Variants in MBNL1 observed in about 807,000 individuals in gnomAD.
MBNL1 encodes the protein muscleblind like splicing regulator 1.
Under a neutral mutation model 42.2 loss-of-function variants are expected in MBNL1, and 8 were observed. That is an observed-to-expected ratio of 0.19 (90% CI 0.11 to 0.34). The LOEUF (loss-of-function observed/expected upper bound fraction) is 0.34. Ranked by LOEUF, MBNL1 falls within the 10% of genes least tolerant of loss-of-function variation. The pLI is 1.00. For synonymous variants in MBNL1, 169 were observed against 173.9 expected (o/e 0.97, Z 0.22); for missense variants, 309 against 495.3 (o/e 0.62, Z 3.57).
At chr3:152,317,775 T>C (rs1185764291) in intron 2 of MBNL1, among the ~76,000 whole-genome samples, 4 of 152,180 alleles carry the variant, frequency 2.6e-5, no homozygotes, top group Non-Finnish European at 4.4e-5. Flanking sequence ...TCAAGTTCTG[T>C]TTTCAAATAG....
chr3:152,282,322 A>G (rs1405368505), intron 1 of MBNL1, among the ~76,000 whole-genome samples: 2 of 152,160 alleles, frequency 1.3e-5, no homozygotes, highest in African/African-American at 4.8e-5. Context: ...TTTACCTTTA[A>G]GTACCAAGAA....
chr3:152,389,091 A>G (rs370607281), intron 2 of MBNL1, among the ~76,000 whole-genome samples: 21 of 151,742 alleles, frequency 1.4e-4, no homozygotes, highest in African/African-American at 3.9e-4. Flanking sequence ...ACAGTCATGC[A>G]TCTCTTTTTT....
At chr3:152,366,600 T>A (rs981154942) in intron 2 of MBNL1, among the ~76,000 whole-genome samples, 1 of 152,182 alleles carries the variant, frequency 6.6e-6, no homozygotes, top group Non-Finnish European at 1.5e-5. Flanking sequence ...TTTCAGTTCA[T>A]TGTTATATTT....
At chr3:152,431,729 A>T (rs1282680051) in intron 3 of MBNL1, among the ~76,000 whole-genome samples, 2 of 152,242 alleles carry the variant, frequency 1.3e-5, no homozygotes. Flanking sequence ...GAAGCATTAA[A>T]CTTCAAGAAT....
intron 2 of MBNL1, among the ~76,000 whole-genome samples, chr3:152,377,290 T>G (rs2096950959): frequency 6.6e-6 from 1 of 152,188 alleles, no homozygotes; most frequent in Non-Finnish European, 1.5e-5. Flanking sequence ...TGGGTTGATT[T>G]GAAACTACCT....
At chr3:152,315,873 C>A (rs2070755652) in intron 2 of MBNL1, among the ~76,000 whole-genome samples, 1 of 149,572 alleles carries the variant, frequency 6.7e-6, no homozygotes, top group Non-Finnish European at 1.5e-5. Context: ...CACACTCTCT[C>A]TCTCTCTCTC....
chr3:152,262,357 C>T (rs753563578), intron 2 of MBNL1, among the ~76,000 whole-genome samples: 8 of 151,906 alleles, frequency 5.3e-5, no homozygotes, highest in South Asian at 4.2e-4. Context: ...GAACATCTTT[C>T]GAGACATGAT....
intron 5 of MBNL1, 100 bp downstream of exon 5, chr3:152,445,639 A>G (rs2153836798): frequency 7.5e-7 from 1 of 1,326,774 alleles, no homozygotes; most frequent in South Asian, 1.4e-5. Flanking sequence ...CTTTTTAAAA[A>G]AATTGCTGAA....
At chr3:152,264,294 T>C (rs1484001910), upstream of MBNL1, 1 of 151,598 alleles carries the variant, frequency 6.6e-6, no homozygotes, top group Non-Finnish European at 1.5e-5. Flanking sequence ...GTTTGTGAAA[T>C]GAATAGAGTC....
chr3:152,272,037 TTTTCTC>T (rs2042203044), intron 1 of MBNL1, among the ~76,000 whole-genome samples: 4 of 101,750 alleles, frequency 3.9e-5, no homozygotes, highest in African/African-American at 1.7e-4. Context: ...CACCTGTTTC[TTTTCTC>T]TCTCTCTCTC....
chr3:152,418,386 A>G (rs1160160897), intron 3 of MBNL1, among the ~76,000 whole-genome samples: 1 of 152,082 alleles, frequency 6.6e-6, no homozygotes, highest in East Asian at 1.9e-4. Context: ...TAAGATCTCT[A>G]ACCTAGCTGG....
chr3:152,311,782 T>A (rs867548577), intron 2 of MBNL1, among the ~76,000 whole-genome samples: 7 of 152,180 alleles, frequency 4.6e-5, no homozygotes, highest in South Asian at 4.1e-4. Flanking sequence ...TCTATTTTGT[T>A]CATGATATGG....
chr3:152,418,906 CG>C (rs2098751098), intron 3 of MBNL1, among the ~76,000 whole-genome samples: 2 of 151,648 alleles, frequency 1.3e-5, no homozygotes, highest in Non-Finnish European at 2.9e-5. Flanking sequence ...TTTGTAGAGG[CG>C]GGGTTTCACT....
intron 2 of MBNL1, among the ~76,000 whole-genome samples, chr3:152,372,726 G>T (rs1417026428): frequency 6.6e-6 from 1 of 152,192 alleles, no homozygotes; most frequent in Non-Finnish European, 1.5e-5. Context: ...TGTATGAGGT[G>T]TCTGTTGACC....
chr3:152,420,588 C>T (rs1030556108), intron 3 of MBNL1, among the ~76,000 whole-genome samples: 1 of 152,140 alleles, frequency 6.6e-6, no homozygotes, highest in African/African-American at 2.4e-5. Flanking sequence ...ACAAAAAGGA[C>T]GCCCATGCAA....
At chr3:152,436,186 T>C (rs1213274575) in intron 4 of MBNL1, among the ~76,000 whole-genome samples, 1 of 152,188 alleles carries the variant, frequency 6.6e-6, no homozygotes, top group Admixed American at 6.5e-5. Flanking sequence ...TTTATTAACT[T>C]TTGTTGCATA....
intron 2 of MBNL1, among the ~76,000 whole-genome samples, chr3:152,346,685 C>A (rs2094299397): frequency 6.6e-6 from 1 of 151,916 alleles, no homozygotes; most frequent in Non-Finnish European, 1.5e-5. Context: ...TCATTTACGT[C>A]AAAAATGAAG....
intron 1 of MBNL1, among the ~76,000 whole-genome samples, chr3:152,289,278 T>G (rs904773585): frequency 2.0e-4 from 31 of 152,114 alleles, no homozygotes; most frequent in African/African-American, 7.5e-4. Context: ...TAATATATAA[T>G]TGTTAAAAAG....
intron 6 of MBNL1, among the ~76,000 whole-genome samples, chr3:152,454,785 C>T (rs142761556): frequency 2.0e-3 from 302 of 152,190 alleles, no homozygotes; most frequent in Non-Finnish European, 3.7e-3. Flanking sequence ...TCTAAACCAG[C>T]AATGAAAACC....
Sources: allele counts gnomAD v4.1 joint callset (sites outside exome capture counted in the v4.1 genomes callset), GRCh38; gene constraint gnomAD v4.1.1; transcripts MANE v1.5; gene names NCBI Gene and HGNC (gene_info 2026-07-23, HGNC 2026-07-21).